GABRP: variants seen among roughly 807,000 people sequenced by gnomAD.
The protein encoded by GABRP is gamma-aminobutyric acid receptor subunit pi.
GABRP carries 52 observed loss-of-function variants against 47.8 expected under a neutral mutation model. The observed-to-expected ratio is 1.09, with a 90% CI of 0.87 to 1.37. The LOEUF (loss-of-function observed/expected upper bound fraction) is 1.37, where lower values mean the gene tolerates loss of function less well. Ranked by LOEUF, GABRP falls within the 40% of genes most tolerant of loss-of-function variation. The pLI is 0.00. For missense variants in GABRP, 525 were observed against 542.8 expected (o/e 0.97, Z 0.33); for synonymous variants, 221 against 205.8 (o/e 1.07, Z -0.63).
Position 170,812,810 on chromosome 5 carries a change from A to G in GABRP, c.*552A>G, listed in dbSNP as rs1029387502. On this transcript the variant is annotated 3_prime_UTR_variant, in exon 10 of 10. Transcript: ENST00000265294. ...ACCAAGATGAGTTTTTAAATAATGA[A>G]TATTATTTAATACCACAACAGAATT... 5.2e-5 allele frequency: 8 copies of G among 152,474 alleles called. No homozygotes were observed. Among genetic ancestry groups the G allele is most frequent in the Non-Finnish European group, 1.0e-4 (7 of 68,260 alleles). 9.4% of individuals were successfully genotyped at this position (152,474 alleles called of 1,614,324 possible).
At chr5:170,788,086 C>T (rs2127249534) in intron 1 of GABRP, 1 of 152,484 alleles carries the variant, frequency 6.6e-6, no homozygotes. Context: ...CATAGTGGCC[C>T]ATGCCTGTAA....
chr5:170,791,023 G>A (rs775022386), intron 3 of GABRP, among the ~76,000 whole-genome samples: 24 of 152,318 alleles, frequency 1.6e-4, no homozygotes, highest in Non-Finnish European at 1.8e-4. Context: ...TACTGAACAC[G>A]TATGACAAGC....
chr5:170,800,457 A>G (rs1196020998), intron 6 of GABRP, among the ~76,000 whole-genome samples: 1 of 152,160 alleles, frequency 6.6e-6, no homozygotes, highest in African/African-American at 2.4e-5. Flanking sequence ...CTAAAACACT[A>G]TTTTATTTTT....
chr5:170,795,484 A>G (rs575916783), intron 5 of GABRP, 59 bp downstream of exon 5: 4 of 1,387,310 alleles, frequency 2.9e-6, no homozygotes, highest in South Asian at 2.3e-5. Context: ...AAACATGCAG[A>G]TGTGTCTTGG....
chr5:170,809,297 G>A (rs1270227388), intron 8 of GABRP, among the ~76,000 whole-genome samples: 1 of 152,106 alleles, frequency 6.6e-6, no homozygotes, highest in Non-Finnish European at 1.5e-5. Flanking sequence ...ATTGTGCTTA[G>A]ATGGTCTATT....
intron 9 of GABRP, 26 bp from the exon 10 acceptor site, chr5:170,811,930 A>T: frequency 6.2e-7 from 1 of 1,601,586 alleles, no homozygotes. Flanking sequence ...AAGTCTTTTA[A>T]GCTAACTGCA....
intron 1 of GABRP, among the ~76,000 whole-genome samples, chr5:170,787,556 C>A (rs1295301008): frequency 6.6e-6 from 1 of 152,208 alleles, no homozygotes; most frequent in Non-Finnish European, 1.5e-5. Flanking sequence ...ACGACAGCAG[C>A]AAGGATCCTC....
chr5:170,789,861 G>A (rs936473297), intron 3 of GABRP, among the ~76,000 whole-genome samples: 1 of 152,036 alleles, frequency 6.6e-6, no homozygotes, highest in African/African-American at 2.4e-5. Flanking sequence ...CTTTCTTCCT[G>A]GAATTGCTTC....
chr5:170,799,096 C>T (rs1268524746), intron 6 of GABRP, among the ~76,000 whole-genome samples: 3 of 152,182 alleles, frequency 2.0e-5, no homozygotes, highest in Admixed American at 2.0e-4. Context: ...CATGTCTCTA[C>T]AAAGGACATG....
chr5:170,787,458 G>A (rs528075684), intron 1 of GABRP, among the ~76,000 whole-genome samples: 14 of 152,302 alleles, frequency 9.2e-5, no homozygotes, highest in East Asian at 1.9e-4. Flanking sequence ...TGAGGAGGCC[G>A]GGCCCCTGGG....
intron 8 of GABRP, 48 bp downstream of exon 8, chr5:170,808,800 C>G (rs989746990): frequency 3.8e-6 from 6 of 1,569,274 alleles, no homozygotes; most frequent in Non-Finnish European, 5.2e-6. Flanking sequence ...TATCAGGTTA[C>G]TTACTTTTTT....
chr5:170,789,252 G>A lies in GABRP; in HGVS notation c.172+5G>A. On this transcript the variant is annotated splice_donor_5th_base_variant and intron_variant, in intron 3 of 9. Coordinates refer to ENST00000265294, the MANE Select transcript of GABRP (RefSeq NM_014211.3). ...TTCTCAGGCCCAATTTTGGTGGTAG[G>A]TCATCCTCTGTGTCCAGGACATCAT... 1.9e-5 allele frequency: 29 copies of A among 1,563,292 alleles called. No homozygotes were observed. Among genetic ancestry groups the A allele is most frequent in the Non-Finnish European group, 2.4e-5 (27 of 1,134,060 alleles).
chr5:170,795,267 A>G lies in GABRP; in HGVS notation c.300A>G (p.Glu100=). ...QRWMDQRLVF[E]GNKSFTLDAR... ...GGATGGACCAGCGGCTGGTGTTTGA[A>G]GGCAACAAGAGCTTCACTCTGGATG... The change falls in exon 5 of 10, where the codon GAA becomes GAG. Residue 100 remains glutamate (E), a synonymous_variant. Coordinates refer to ENST00000265294, the MANE Select transcript of GABRP (RefSeq NM_014211.3). 1.2e-6 allele frequency: 2 copies of G among 1,613,716 alleles called. No individual in the cohort carries two copies. Among genetic ancestry groups the G allele is most frequent in the Non-Finnish European group, 1.7e-6 (2 of 1,179,898 alleles).
chr5:170,805,895 C>G (rs1314530257), intron 7 of GABRP, 42 bp downstream of exon 7: 1 of 1,605,138 alleles, frequency 6.2e-7, no homozygotes, highest in African/African-American at 1.3e-5. Flanking sequence ...AATAAGTGAA[C>G]TGAGGTGTAG....
chr5:170,794,323 ACCCAAGTAGT>A, intron 4 of GABRP, 25 bp downstream of exon 4: 1 of 1,438,448 alleles, frequency 7.0e-7, no homozygotes. Flanking sequence ...TTTGTACTCT[ACCCAAGTAGT>A]CCCTCTCTGT....
intron 5 of GABRP, among the ~76,000 whole-genome samples, chr5:170,796,927 G>A (rs964466555): frequency 6.6e-6 from 1 of 152,142 alleles, no homozygotes; most frequent in African/African-American, 2.4e-5. Context: ...AATATCTCTG[G>A]GGTTAAGCCC....
Position 170,812,600 on chromosome 5 carries a change from T to G in GABRP, c.*342T>G, listed in dbSNP as rs769657871. 5.2e-5 allele frequency: 11 copies of G among 211,278 alleles called. No individual in the cohort carries two copies. Among genetic ancestry groups the G allele is most frequent in the Admixed American group, 1.0e-4 (2 of 19,528 alleles). 13.1% of individuals were successfully genotyped at this position (211,278 alleles called of 1,614,324 possible). On this transcript the variant is annotated 3_prime_UTR_variant, in exon 10 of 10. Coordinates refer to ENST00000265294, the MANE Select transcript of GABRP (RefSeq NM_014211.3). The stretch of plus-strand genomic sequence containing the variant: ...ATATAAAGAATGGGAAGGAGACCAT[T>G]GGGTAACCCTCAAGTGTCAGAAGTT...
Position 170,813,188 on chromosome 5 carries a change from G to A in GABRP, c.*930G>A, listed in dbSNP as rs1765938298. 6.6e-6 allele frequency: 1 copy of A among 152,078 alleles called. No individual in the cohort carries two copies. Among genetic ancestry groups the A allele is most frequent in the African/African-American group, 2.4e-5 (1 of 41,384 alleles). 9.4% of individuals were successfully genotyped at this position (152,078 alleles called of 1,614,324 possible). A position where few individuals can be genotyped will look rare whatever the true frequency, so the allele number is the denominator to read the frequency against. ...ATAGTGATGGGGTACTAAAAGTACTGGGTTGACTCAGAGAGTCGCTGTCAT... is the reference window on the plus strand; with the variant it reads ...ATAGTGATGGGGTACTAAAAGTACTAGGTTGACTCAGAGAGTCGCTGTCAT... On this transcript the variant is annotated 3_prime_UTR_variant, in exon 10 of 10. Coordinates refer to ENST00000265294, the MANE Select transcript of GABRP (RefSeq NM_014211.3).
rs746213181 is a variant in GABRP, at chr5:170,811,928, T to C, written c.1021-28T>C. 8.1e-6 allele frequency: 13 copies of C among 1,600,578 alleles called. No individual in the cohort carries two copies. In the Admixed American group the frequency reaches 1.7e-4, roughly 21 times the overall value. On this transcript the variant is annotated intron_variant, in intron 9 of 9. Transcript: ENST00000265294. Reference sequence around the variant, plus strand: ...ATTTATTTTGCTGAGTCAAGTCTTTTAAGCTAACTGCATTGTCTATGAACT... The same window carrying C: ...ATTTATTTTGCTGAGTCAAGTCTTTCAAGCTAACTGCATTGTCTATGAACT...
Sources: gnomAD v4.1 joint callset for allele counts (sites outside exome capture counted in the v4.1 genomes callset) on GRCh38, gnomAD v4.1.1 for gene constraint, MANE v1.5 for transcripts, NCBI Gene and HGNC (gene_info 2026-07-23, HGNC 2026-07-21) for gene names.